The following OXSR1 variants were observed in gnomAD, a reference collection of about 807,000 sequenced individuals.
OXSR1 encodes the protein oxidative stress responsive kinase 1, also known as serine/threonine-protein kinase OSR1.
In OXSR1, 24 loss-of-function variants were observed where a neutral mutation model predicts 79.8. The ratio of observed to expected loss-of-function variants is 0.30; its 90% CI spans 0.22 to 0.42. The LOEUF is 0.42. Ranked by LOEUF, OXSR1 falls within the 10% of genes least tolerant of loss-of-function variation. The pLI, the probability that OXSR1 is intolerant of heterozygous loss-of-function variation, is 1.00. For missense variants in OXSR1, 430 were observed against 618.4 expected (o/e 0.70, Z 3.23); for synonymous variants, 226 against 209.2 (o/e 1.08, Z -0.69).
intron 4 of OXSR1, among the ~76,000 whole-genome samples, chr3:38,201,153 A>G (rs78130163): frequency 0.036 from 5,483 of 151,808 alleles, 108 homozygotes; most frequent in Middle Eastern, 0.13. Context: ...CATTCCTCCC[A>G]CCTCAATCTC....
chr3:38,240,297 A>G (rs750126737), intron 11 of OXSR1, among the ~76,000 whole-genome samples: 5 of 152,154 alleles, frequency 3.3e-5, no homozygotes, highest in Non-Finnish European at 5.9e-5. Flanking sequence ...GAAATGAGTA[A>G]ATGTCTCAAT....
rs764570034 is a variant in OXSR1, at chr3:38,165,868, G to A, written c.-9G>A. The A allele has an allele frequency of 6.8e-6, 11 of 1,608,190 alleles. No individual in the cohort carries two copies. In the African/African-American group the frequency reaches 1.3e-4, roughly 20 times the overall value. On this transcript the variant is annotated 5_prime_UTR_variant, in exon 1 of 18. Coordinates refer to ENST00000311806, the MANE Select transcript of OXSR1 (RefSeq NM_005109.3). ...GTTTGAGGGAGGACCGCGAGCCGCTGCCGCCGTCATGTCCGAGGACTCGAG... is the reference window on the plus strand; with the variant it reads ...GTTTGAGGGAGGACCGCGAGCCGCTACCGCCGTCATGTCCGAGGACTCGAG...
chr3:38,186,064 G>T (rs572063698), intron 2 of OXSR1, among the ~76,000 whole-genome samples: 2 of 152,050 alleles, frequency 1.3e-5, no homozygotes, highest in East Asian at 3.9e-4. Context: ...GGCCACCAGG[G>T]CTGTGTAGAC....
intron 11 of OXSR1, 100 bp downstream of exon 11, chr3:38,237,061 C>T (rs919235266): frequency 9.4e-7 from 1 of 1,062,016 alleles, no homozygotes; most frequent in African/African-American, 1.6e-5. Context: ...ACAGGATTTT[C>T]TTGAACAGCT....
intron 10 of OXSR1, among the ~76,000 whole-genome samples, chr3:38,236,510 A>C (rs749593437): frequency 6.6e-6 from 1 of 151,784 alleles, no homozygotes; most frequent in Non-Finnish European, 1.5e-5. Flanking sequence ...GGGTTTATTC[A>C]TTTTGAGCAC....
At chr3:38,241,275 C>G (rs924736418) in intron 11 of OXSR1, among the ~76,000 whole-genome samples, 3 of 152,052 alleles carry the variant, frequency 2.0e-5, no homozygotes, top group African/African-American at 7.2e-5. Flanking sequence ...TAGATAAACC[C>G]CATGTATGTG....
chr3:38,227,276 G>A (rs563772373), intron 8 of OXSR1, among the ~76,000 whole-genome samples: 1 of 152,232 alleles, frequency 6.6e-6, no homozygotes, highest in South Asian at 2.1e-4. Context: ...TTTGAGGATA[G>A]CACTGTTATT....
At chr3:38,249,857 G>T (rs1703219471) in intron 14 of OXSR1, 109 bp from the exon 15 acceptor site, 1 of 715,094 alleles carries the variant, frequency 1.4e-6, no homozygotes, top group East Asian at 2.7e-5. Flanking sequence ...TATGATCTAT[G>T]GGAACAAAAC....
At chr3:38,198,635 G>C (rs1702107349) in intron 3 of OXSR1, 87 bp from the exon 4 acceptor site, 1 of 930,808 alleles carries the variant, frequency 1.1e-6, no homozygotes, top group Non-Finnish European at 1.6e-6. Flanking sequence ...TTTATGAGAA[G>C]GTTCACATGT....
intron 4 of OXSR1, among the ~76,000 whole-genome samples, chr3:38,207,460 G>A (rs192812608): frequency 6.6e-6 from 1 of 152,292 alleles, no homozygotes; most frequent in Admixed American, 6.5e-5. Context: ...AGGAAGGAAA[G>A]GGGAAATAGA....
At chr3:38,181,049 C>T (rs551143617) in intron 1 of OXSR1, among the ~76,000 whole-genome samples, 10 of 152,018 alleles carry the variant, frequency 6.6e-5, no homozygotes, top group Admixed American at 3.3e-4. Flanking sequence ...TTGGGAGGCC[C>T]GTTATTCTAC....
upstream of OXSR1, among the ~76,000 whole-genome samples, chr3:38,164,241 T>G (rs1213583059): frequency 1.3e-5 from 2 of 152,128 alleles, no homozygotes; most frequent in Non-Finnish European, 2.9e-5. Flanking sequence ...CTCGGGTCAC[T>G]GCAACCTTCG....
chr3:38,242,214 C>T (rs1220080671), intron 11 of OXSR1, among the ~76,000 whole-genome samples: 1 of 151,908 alleles, frequency 6.6e-6, no homozygotes, highest in Non-Finnish European at 1.5e-5. Context: ...ATTTTTGGAC[C>T]ACCCGTGTTT....
chr3:38,173,738 A>G (rs1457050250), intron 1 of OXSR1, among the ~76,000 whole-genome samples: 1 of 152,222 alleles, frequency 6.6e-6, no homozygotes, highest in Non-Finnish European at 1.5e-5. Context: ...TAATTCATTC[A>G]GCAAATATTT....
At chr3:38,170,748 A>T (rs1348685377) in intron 1 of OXSR1, among the ~76,000 whole-genome samples, 2 of 152,210 alleles carry the variant, frequency 1.3e-5, no homozygotes, top group Non-Finnish European at 2.9e-5. Context: ...ATAAACTGGA[A>T]GATGGGGGTC....
intron 14 of OXSR1, 48 bp from the exon 15 acceptor site, chr3:38,249,918 G>A: frequency 9.0e-7 from 1 of 1,115,476 alleles, no homozygotes; most frequent in Middle Eastern, 2.4e-4. Context: ...GAATCTCTTT[G>A]CATAAATTTA....
At chr3:38,172,825 A>T (rs1245552948) in intron 1 of OXSR1, among the ~76,000 whole-genome samples, 1 of 152,238 alleles carries the variant, frequency 6.6e-6, no homozygotes, top group African/African-American at 2.4e-5. Flanking sequence ...TGGAAATAAT[A>T]GTGGCTTAAT....
chr3:38,234,432 G>A (rs990993291), intron 10 of OXSR1, among the ~76,000 whole-genome samples: 2 of 152,054 alleles, frequency 1.3e-5, no homozygotes, highest in Non-Finnish European at 2.9e-5. Flanking sequence ...TTAAAAATGG[G>A]CAAAGGATCT....
At chr3:38,203,384 TC>T (rs1575332572) in intron 4 of OXSR1, among the ~76,000 whole-genome samples, 6 of 152,084 alleles carry the variant, frequency 3.9e-5, no homozygotes, top group Admixed American at 2.6e-4. Context: ...ATGGTAGTGG[TC>T]CCCCGGGCCC....
Sources: allele counts gnomAD v4.1 joint callset (sites outside exome capture counted in the v4.1 genomes callset), GRCh38; gene constraint gnomAD v4.1.1; transcripts MANE v1.5; gene names NCBI Gene and HGNC (gene_info 2026-07-23, HGNC 2026-07-21).